FSIP1: variants seen among roughly 807,000 people sequenced by gnomAD.
FSIP1 encodes fibrous sheath interacting protein 1.
A neutral mutation model predicts 60.9 loss-of-function variants in FSIP1; 65 were observed. The observed-to-expected ratio is 1.07, with a 90% CI of 0.87 to 1.31. The LOEUF (loss-of-function observed/expected upper bound fraction) is 1.31, where lower values mean the gene tolerates loss of function less well. Among genes scored for constraint, FSIP1 ranks in the 40% most tolerant of loss-of-function variants. The probability of loss-of-function intolerance (pLI) is 0.00; values close to 1 mark genes in which losing one functional copy is unlikely to be tolerated. For missense variants in FSIP1, 675 were observed against 665.5 expected (o/e 1.01, Z -0.16); for synonymous variants, 209 against 221.2 (o/e 0.94, Z 0.49).
intron 10 of FSIP1, among the ~76,000 whole-genome samples, chr15:39,672,466 G>A (rs534352208): frequency 9.9e-5 from 15 of 152,282 alleles, no homozygotes; most frequent in Admixed American, 2.6e-4. Flanking sequence ...CAGTGGTTGA[G>A]AACTAAGAGG....
At chr15:39,771,800 C>G (rs548099347) in intron 2 of FSIP1, among the ~76,000 whole-genome samples, 3 of 152,314 alleles carry the variant, frequency 2.0e-5, no homozygotes, top group African/African-American at 7.2e-5. Context: ...TGTTCAAAAA[C>G]ATATTTCTGC....
chr15:39,738,120 C>T lies in FSIP1; in HGVS notation c.862G>A (p.Glu288Lys). ...GAACTGGAGAGCCCGGAATCTTTCT[C>T]ATCCAAGTCCTTCAAAAGCTCAACC... The part of the protein sequence containing the change: ...RLVELLKDLD[E>K]KDSGLSSSEG... Residue 288 changes from glutamate to lysine, a missense_variant, in exon 8 of 12, where the codon GAG becomes AAG. Transcript: ENST00000350221. The T allele has an allele frequency of 6.2e-7, 1 of 1,612,766 alleles. No homozygotes were observed.
Position 39,748,211 on chromosome 15 carries a change from T to C in FSIP1, c.560-6311A>G, listed in dbSNP as rs868215929. On this transcript the variant is annotated intron_variant, in intron 5 of 11. Transcript: ENST00000350221. ...CAAATAATACGCATTTTCTACTATA[T>C]TGAAGGATTCCAATCAGTTTTCAGA... 2.6e-5 allele frequency among the ~76,000 whole-genome samples: 4 copies of C among 152,296 alleles called. 1 individual carries two copies. In the Middle Eastern group the frequency reaches 0.01, roughly 389 times the overall value.
intron 10 of FSIP1, among the ~76,000 whole-genome samples, chr15:39,661,159 T>G (rs568888149): frequency 6.6e-6 from 1 of 152,234 alleles, no homozygotes; most frequent in Non-Finnish European, 1.5e-5. Flanking sequence ...ACACACTAGA[T>G]TGTTGGTATG....
At chr15:39,741,098 T>C (rs1374969265) in intron 6 of FSIP1, among the ~76,000 whole-genome samples, 5 of 152,212 alleles carry the variant, frequency 3.3e-5, no homozygotes, top group African/African-American at 1.2e-4. Flanking sequence ...TTGTATACAG[T>C]CTTTTTAGTT....
At chr15:39,685,376 C>T (rs1894323444) in intron 10 of FSIP1, among the ~76,000 whole-genome samples, 1 of 152,174 alleles carries the variant, frequency 6.6e-6, no homozygotes, top group Non-Finnish European at 1.5e-5. Context: ...TAAAAATCCT[C>T]CTGGGGAAAA....
chr15:39,772,584 C>A (rs574330916), intron 2 of FSIP1, among the ~76,000 whole-genome samples: 5 of 151,640 alleles, frequency 3.3e-5, no homozygotes, highest in African/African-American at 1.2e-4. Context: ...TGTGAGCCAC[C>A]GTGCCCAGCC....
chr15:39,769,528 G>A (rs1329107202), intron 3 of FSIP1, among the ~76,000 whole-genome samples: 1 of 152,102 alleles, frequency 6.6e-6, no homozygotes, highest in Non-Finnish European at 1.5e-5. Flanking sequence ...TATAAAAGTG[G>A]CCAGTTCAGC....
At chr15:39,767,555 A>G (rs1479245935) in intron 3 of FSIP1, among the ~76,000 whole-genome samples, 1 of 152,138 alleles carries the variant, frequency 6.6e-6, no homozygotes, top group African/African-American at 2.4e-5. Context: ...CAAATGTTGC[A>G]TTTTCCAAGC....
At position 39,728,500 on chromosome 15, in the gene FSIP1, T is replaced by C. The variant is rs555784578; in HGVS notation, c.892-1753A>G. Among the ~76,000 whole-genome samples the C allele has an allele frequency of 1.9e-4, 29 of 152,310 alleles. No homozygotes were observed. The South Asian group carries it at 6.0e-3, about 32-fold the overall frequency. ...ATAAAGCCACACACCTACAACCATC[T>C]GATCTTCAACAAAGTTGACAAAAAC... is the stretch of plus-strand genomic sequence containing the variant. On this transcript the variant is annotated intron_variant, in intron 8 of 11. Coordinates refer to ENST00000350221, the MANE Select transcript of FSIP1 (RefSeq NM_152597.5).
rs985474500 is a variant in FSIP1, at chr15:39,762,588, C to T, written c.559+1233G>A. 3.3e-5 allele frequency among the ~76,000 whole-genome samples: 5 copies of T among 152,218 alleles called. No individual in the cohort carries two copies. In the South Asian group the frequency reaches 1.0e-3, roughly 32 times the overall value. On this transcript the variant is annotated intron_variant, in intron 5 of 11. Transcript: ENST00000350221. Reference sequence around the variant, plus strand: ...ACCATCATCTTCTCTCTGCATAGCCCCTTCATATGGCTTGCTTGGGTTTCT... The same window carrying T: ...ACCATCATCTTCTCTCTGCATAGCCTCTTCATATGGCTTGCTTGGGTTTCT...
intron 10 of FSIP1, among the ~76,000 whole-genome samples, chr15:39,647,999 C>A (rs1310777146): frequency 6.7e-6 from 1 of 148,842 alleles, no homozygotes. Context: ...AGGGGAATAT[C>A]ACACTCTGGG....
chr15:39,693,446 G>A (rs1450854053), intron 10 of FSIP1, among the ~76,000 whole-genome samples: 1 of 152,226 alleles, frequency 6.6e-6, no homozygotes, highest in African/African-American at 2.4e-5. Flanking sequence ...CTTATTCGCT[G>A]TGTTTGACTG....
rs551130925 is a variant in FSIP1 at position 39,763,826 on chromosome 15, G to A, written c.554C>T (p.Thr185Ile). Residue 185 changes from threonine (T) to isoleucine (I), a missense_variant, in exon 5 of 12, where the codon ACT becomes ATT. Thr to Ile is a moderately conservative substitution (Grantham distance 89). Transcript: ENST00000350221. ...FLSLTAVSEE[T>I]VGPSHEEEDT... Reference sequence around the variant, plus strand: ...TGACATCTCCATCTACTCACCAACAGTTTCTTCAGAAACAGCAGTCAAAGA... The same window carrying A: ...TGACATCTCCATCTACTCACCAACAATTTCTTCAGAAACAGCAGTCAAAGA... The A allele has an allele frequency of 4.6e-6, 7 of 1,529,344 alleles. No individual in the cohort carries two copies. In the South Asian group the frequency reaches 6.8e-5, roughly 15 times the overall value. The allele number at this position is 1,529,344 out of a possible 1,614,324, so 94.7% of individuals were successfully genotyped here.
At chr15:39,623,405 T>C (rs1378488693) in intron 10 of FSIP1, among the ~76,000 whole-genome samples, 1 of 152,146 alleles carries the variant, frequency 6.6e-6, no homozygotes, top group Non-Finnish European at 1.5e-5. Context: ...ACCCACCCTA[T>C]GAAACCAATA....
intron 10 of FSIP1, among the ~76,000 whole-genome samples, chr15:39,670,504 CAG>C (rs1228966230): frequency 6.6e-6 from 1 of 152,104 alleles, no homozygotes; most frequent in African/African-American, 2.4e-5. Flanking sequence ...TTTTTAGAGA[CAG>C]AGTCTCGCTC....
chr15:39,612,052 A>G (rs1433820950), intron 11 of FSIP1, among the ~76,000 whole-genome samples: 1 of 152,238 alleles, frequency 6.6e-6, no homozygotes, highest in Non-Finnish European at 1.5e-5. Context: ...AGACTGCAAT[A>G]GTATAAGAGT....
intron 10 of FSIP1, among the ~76,000 whole-genome samples, chr15:39,627,818 T>C (rs540208160): frequency 3.3e-5 from 5 of 152,374 alleles, no homozygotes; most frequent in Admixed American, 2.0e-4. Flanking sequence ...CTGGTGATGC[T>C]TTCACTAATG....
chr15:39,714,840 G>A (rs779706785), intron 9 of FSIP1, among the ~76,000 whole-genome samples: 4 of 151,698 alleles, frequency 2.6e-5, no homozygotes, highest in South Asian at 2.1e-4. Context: ...AGCCAGACAC[G>A]GTAACACCTA....
Sources: allele counts gnomAD v4.1 joint callset (sites outside exome capture counted in the v4.1 genomes callset), GRCh38; gene constraint gnomAD v4.1.1; transcripts MANE v1.5; gene names NCBI Gene and HGNC (gene_info 2026-07-23, HGNC 2026-07-21).